The following RIMBP2 variants were observed in gnomAD, a reference collection of about 807,000 sequenced individuals.
The protein encoded by RIMBP2 is RIMS-binding protein 2.
Under a neutral mutation model 118.6 loss-of-function variants are expected in RIMBP2, and 48 were observed. The observed-to-expected ratio is 0.40, with a 90% CI of 0.32 to 0.51. RIMBP2 has a LOEUF of 0.51. Ranked by LOEUF, RIMBP2 falls within the 20% of genes least tolerant of loss-of-function variation. The probability of loss-of-function intolerance (pLI) is 0.41; values close to 1 mark genes in which losing one functional copy is unlikely to be tolerated. For synonymous variants in RIMBP2, 762 were observed against 742.9 expected, an observed-to-expected ratio of 1.03 and a Z score of -0.42; for missense variants, 1,551 against 1,768.3, an observed-to-expected ratio of 0.88 and a Z score of 2.20.
chr12:130,438,941 T>G (rs940597666), intron 11 of RIMBP2, among the ~76,000 whole-genome samples: 3 of 152,152 alleles, frequency 2.0e-5, no homozygotes, highest in African/African-American at 4.8e-5. Context: ...AGAGAGATCT[T>G]GGCAGAAGGC....
In RIMBP2 at chr12:130,436,997, C is replaced by T. The variant is rs1314552387; in HGVS notation, c.1951G>A (p.Val651Met). Residue 651 changes from valine to methionine, a missense_variant, in exon 13 of 23, where the codon GTG becomes ATG. Val to Met is a conservative substitution (Grantham distance 21, BLOSUM62 1). Transcript: ENST00000690449. The stretch of plus-strand genomic sequence containing the variant: ...GGCGGCTCCAGCATGTGCCCATGCA[C>T]AGGGCCAGGTGCACGGCTCTGCTCC... ...AWEQSRAPGP[V>M]HGHMLEPPVG... 2 of 1,607,680 alleles carry T rather than the reference C, an allele frequency of 1.2e-6. No individual in the cohort carries two copies. The highest frequency in any genetic ancestry group is 2.2e-5 in the South Asian group (2 of 89,990).
At chr12:130,453,488 T>G (rs1395976782) in intron 7 of RIMBP2, among the ~76,000 whole-genome samples, 1 of 152,222 alleles carries the variant, frequency 6.6e-6, no homozygotes, top group Non-Finnish European at 1.5e-5. Flanking sequence ...CACAATGGGA[T>G]GTTATCCGGC....
chr12:130,665,967 C>T (rs1444021801), intron 1 of RIMBP2, among the ~76,000 whole-genome samples: 2 of 152,148 alleles, frequency 1.3e-5, no homozygotes, highest in Non-Finnish European at 2.9e-5. Context: ...ACACCATTTG[C>T]CTCATCCTGT....
chr12:130,624,130 C>T (rs1215492345), intron 2 of RIMBP2, among the ~76,000 whole-genome samples: 1 of 152,178 alleles, frequency 6.6e-6, no homozygotes, highest in Non-Finnish European at 1.5e-5. Flanking sequence ...GGTTGGGTGC[C>T]AATGTACTCA....
At chr12:130,573,286 C>T (rs1478993789) in intron 2 of RIMBP2, among the ~76,000 whole-genome samples, 1 of 151,858 alleles carries the variant, frequency 6.6e-6, no homozygotes, top group Admixed American at 6.6e-5. Flanking sequence ...AGCATAGAGA[C>T]GATGATTGCA....
At chr12:130,633,422 G>C (rs532150201) in intron 1 of RIMBP2, among the ~76,000 whole-genome samples, 3 of 152,276 alleles carry the variant, frequency 2.0e-5, no homozygotes, top group African/African-American at 7.2e-5. Flanking sequence ...GAAAGTTGGA[G>C]GGACAAATAA....
intron 3 of RIMBP2, among the ~76,000 whole-genome samples, chr12:130,508,028 C>A (rs796219665): frequency 4.6e-5 from 7 of 152,210 alleles, no homozygotes; most frequent in African/African-American, 1.7e-4. Context: ...TATTTTAATG[C>A]CATTTTGCTG....
At position 130,517,873 on chromosome 12, in the gene RIMBP2, T is replaced by C. The variant is rs1304257715; in HGVS notation, c.-172A>G. 10 of 985,696 alleles carry C rather than the reference T, an allele frequency of 1.0e-5. No homozygotes were observed. The highest frequency in any genetic ancestry group is 1.2e-5 in the Non-Finnish European group (10 of 829,926). The allele number at this position is 985,696 out of a possible 1,614,324, so 61.1% of individuals were successfully genotyped here. A position where few individuals can be genotyped will look rare whatever the true frequency, so the allele number is the denominator to read the frequency against. On this transcript the variant is annotated 5_prime_UTR_variant, in exon 3 of 23. Coordinates refer to ENST00000690449, the MANE Select transcript of RIMBP2 (RefSeq NM_001393629.1). ...TTGTGGGAAGGCCTGCATGATGGGA[T>C]CTCAGGAGATACTCTCCCTGGGTGG...
At chr12:130,463,878 C>T (rs566945089) in intron 6 of RIMBP2, among the ~76,000 whole-genome samples, 5 of 151,990 alleles carry the variant, frequency 3.3e-5, no homozygotes, top group African/African-American at 7.2e-5. Context: ...AAGGAGCCAC[C>T]GAGACCCACC....
At chr12:130,588,311 T>C (rs955542728) in intron 2 of RIMBP2, among the ~76,000 whole-genome samples, 3 of 152,228 alleles carry the variant, frequency 2.0e-5, no homozygotes, top group Non-Finnish European at 4.4e-5. Flanking sequence ...CCGGTCTGTT[T>C]AGCTCATTTT....
intron 5 of RIMBP2, among the ~76,000 whole-genome samples, chr12:130,474,009 A>C (rs1401006724): frequency 1.3e-5 from 2 of 152,206 alleles, no homozygotes; most frequent in Non-Finnish European, 2.9e-5. Flanking sequence ...TAAATACGGA[A>C]AAGCCCTTTA....
rs1432176745 is a variant in RIMBP2, at chr12:130,511,098, G to A, written c.-126-4328C>T. Among the ~76,000 whole-genome samples, 6 of 152,272 alleles carry A rather than the reference G, an allele frequency of 3.9e-5. No homozygotes were observed. Among genetic ancestry groups the A allele is most frequent in the South Asian group, 2.1e-4 (1 of 4,820 alleles). On this transcript the variant is annotated intron_variant, in intron 3 of 22. Coordinates refer to ENST00000690449, the MANE Select transcript of RIMBP2 (RefSeq NM_001393629.1). This position sits in a 1 kb window ranked among gnomAD's most constrained non-coding sequence, Gnocchi z 4.3. Reference sequence around the variant, plus strand: ...AGCATCCTGAGAGTGGGAGAGCACCGGGGTTATCCAGATGGGCTCTACGTA... The same window carrying A: ...AGCATCCTGAGAGTGGGAGAGCACCAGGGTTATCCAGATGGGCTCTACGTA...
chr12:130,494,719 T>G (rs950405757), intron 4 of RIMBP2, among the ~76,000 whole-genome samples: 3 of 151,704 alleles, frequency 2.0e-5, no homozygotes, highest in Non-Finnish European at 4.4e-5. Context: ...GACCCTGCAC[T>G]CCAGCCCTGT....
At chr12:130,407,660 G>T in intron 20 of RIMBP2, 66 bp downstream of exon 20, 1 of 1,262,884 alleles carries the variant, frequency 7.9e-7, no homozygotes, top group Non-Finnish European at 1.2e-6. Flanking sequence ...GCCTCAGTGT[G>T]GTGTACCACG....
intron 2 of RIMBP2, among the ~76,000 whole-genome samples, chr12:130,573,478 G>C (rs142857568): frequency 6.6e-6 from 1 of 152,230 alleles, no homozygotes; most frequent in Non-Finnish European, 1.5e-5. Flanking sequence ...GTGCAAGTGT[G>C]AGGTGCGTGT....
At chr12:130,535,591 A>G (rs1428442053) in intron 2 of RIMBP2, among the ~76,000 whole-genome samples, 2 of 151,524 alleles carry the variant, frequency 1.3e-5, no homozygotes, top group Non-Finnish European at 2.9e-5. Flanking sequence ...AACTCATTTA[A>G]TCCTTGCAAC....
intron 2 of RIMBP2, among the ~76,000 whole-genome samples, chr12:130,614,418 T>TCTA (rs1005045667): frequency 4.6e-5 from 7 of 152,014 alleles, no homozygotes; most frequent in Non-Finnish European, 7.4e-5. Flanking sequence ...ATGTTAGATG[T>TCTA]GGAAAAACTG....
At chr12:130,595,640 T>C (rs2059512950) in intron 2 of RIMBP2, among the ~76,000 whole-genome samples, 1 of 151,306 alleles carries the variant, frequency 6.6e-6, no homozygotes. Context: ...AATTAACAGC[T>C]GTCATTGCTT....
At chr12:130,459,334 A>T (rs569347984) in intron 6 of RIMBP2, among the ~76,000 whole-genome samples, 1 of 151,936 alleles carries the variant, frequency 6.6e-6, no homozygotes, top group Admixed American at 6.6e-5. Flanking sequence ...AAGCAAGTAA[A>T]TTCCCCAGCA....
Sources: gnomAD v4.1 joint callset for allele counts (sites outside exome capture counted in the v4.1 genomes callset) on GRCh38, gnomAD v4.1.1 for gene constraint, Gnocchi (gnomAD v3.1) non-coding constraint, MANE v1.5 for transcripts, NCBI Gene and HGNC (gene_info 2026-07-23, HGNC 2026-07-21) for gene names.